The following GKAP1 variants were observed in gnomAD, a reference collection of about 807,000 sequenced individuals.
The protein encoded by GKAP1 is G kinase anchoring protein 1.
In GKAP1, 31 loss-of-function variants were observed where a neutral mutation model predicts 56.7. The ratio of observed to expected loss-of-function variants is 0.55; its 90% confidence interval spans 0.41 to 0.74. GKAP1 has a LOEUF of 0.74. GKAP1 is among the 30% of genes least tolerant of loss of function. The pLI is 0.00. For synonymous variants in GKAP1, 151 were observed against 138.6 expected, an observed-to-expected ratio of 1.09 and a Z score of -0.63; for missense variants, 364 against 402.3, an observed-to-expected ratio of 0.90 and a Z score of 0.82.
chr9:83,814,421 C>A (rs1944554237), intron 2 of GKAP1, among the ~76,000 whole-genome samples: 2 of 152,212 alleles, frequency 1.3e-5, no homozygotes, highest in Admixed American at 1.3e-4. Context: ...GCTAGCATAT[C>A]TATGAAGCGT....
intron 12 of GKAP1, among the ~76,000 whole-genome samples, chr9:83,741,454 T>C (rs1410352258): frequency 1.3e-5 from 2 of 151,784 alleles, no homozygotes; most frequent in African/African-American, 4.8e-5. Flanking sequence ...AGCTTGTAAA[T>C]GCAGAAGAAA....
chr9:83,777,423 T>C (rs1184934700), intron 7 of GKAP1, among the ~76,000 whole-genome samples: 2 of 152,072 alleles, frequency 1.3e-5, no homozygotes, highest in East Asian at 3.8e-4. Flanking sequence ...GAAAAAAGAC[T>C]AAGAATCAAA....
intron 3 of GKAP1, among the ~76,000 whole-genome samples, chr9:83,805,435 T>C (rs1205225908): frequency 6.8e-6 from 1 of 147,920 alleles, no homozygotes; most frequent in Non-Finnish European, 1.5e-5. Context: ...CAAATCCCCC[T>C]CTGCGAGAAA....
rs758119746 is a variant in GKAP1 at position 83,806,483 on chromosome 9, G to A, written c.35C>T (p.Thr12Ile). 6.2e-7 allele frequency: 1 copy of A among 1,614,096 alleles called. No homozygotes were observed. The highest frequency in any genetic ancestry group is 8.5e-7 in the Non-Finnish European group (1 of 1,179,988). Residue 12 changes from threonine (T) to isoleucine (I), a missense_variant, in exon 3 of 13, where the codon ACC becomes ATC. Physicochemically the swap from Thr to Ile is moderately conservative, Grantham distance 89. Transcript: ENST00000376371. ...ASAVLSSVPT[T>I]ASRFALLQVD... The stretch of plus-strand genomic sequence containing the variant: ...TTGTAACAGGGCAAAACGAGAAGCG[G>A]TGGTGGGAACAGAACTAAGTACTGC...
chr9:83,788,187 A>T (rs1944096200), intron 5 of GKAP1, among the ~76,000 whole-genome samples: 1 of 152,206 alleles, frequency 6.6e-6, no homozygotes. Context: ...CTGAGGCGTG[A>T]GAATCGCTTG....
chr9:83,784,434 G>A (rs147600434), intron 6 of GKAP1, among the ~76,000 whole-genome samples: 4 of 152,190 alleles, frequency 2.6e-5, no homozygotes, highest in Admixed American at 6.5e-5. Flanking sequence ...GTGATGACTC[G>A]TCAAGAAGGC....
In GKAP1 at chr9:83,806,091, T is replaced by G. The variant is rs142651056; in HGVS notation, c.216+211A>C. Among the ~76,000 whole-genome samples the G allele has an allele frequency of 3.9e-3, 588 of 151,834 alleles. 10 individuals carry two copies. The highest frequency in any genetic ancestry group is 0.013 in the African/African-American group (554 of 41,412). ...GTGATCATCCCACTGCACTCCAGCC[T>G]AGGTGACAGAGTGAGACCCTGTCTC... On this transcript the variant is annotated intron_variant, in intron 3 of 12. Coordinates refer to ENST00000376371, the MANE Select transcript of GKAP1 (RefSeq NM_025211.4).
chr9:83,788,021 TAATCCC>T (rs1188135809), intron 5 of GKAP1, among the ~76,000 whole-genome samples: 1 of 152,214 alleles, frequency 6.6e-6, no homozygotes, highest in African/African-American at 2.4e-5. Flanking sequence ...CTCACACCTG[TAATCCC>T]AGCACTTTGG....
rs76240024 is a variant in GKAP1, at chr9:83,785,314, G to A, written c.439-476C>T. Among the ~76,000 whole-genome samples, 924 of 151,878 alleles carry A rather than the reference G, an allele frequency of 6.1e-3. 11 individuals are homozygous for A. The highest frequency in any genetic ancestry group is 0.021 in the African/African-American group (875 of 41,408). ...TTCTTTCCTCAACCTTCTCAAAAGC[G>A]TAGCGGTTGTTCACATTATCCCACT... On this transcript the variant is annotated intron_variant, in intron 5 of 12. Transcript: ENST00000376371.
intron 8 of GKAP1, among the ~76,000 whole-genome samples, chr9:83,759,480 AAATT>A (rs1432980703): frequency 3.9e-5 from 6 of 152,030 alleles, no homozygotes; most frequent in Non-Finnish European, 5.9e-5. Flanking sequence ...GAATGTCATC[AAATT>A]ATTATTTGGT....
At chr9:83,812,015 A>G (rs1407029225) in intron 2 of GKAP1, among the ~76,000 whole-genome samples, 1 of 152,096 alleles carries the variant, frequency 6.6e-6, no homozygotes, top group Non-Finnish European at 1.5e-5. Flanking sequence ...ATTTTAAATG[A>G]AAGAAGGGAA....
chr9:83,765,138 C>A (rs935573047), intron 8 of GKAP1, among the ~76,000 whole-genome samples: 2 of 152,168 alleles, frequency 1.3e-5, no homozygotes, highest in African/African-American at 2.4e-5. Flanking sequence ...GACTTGGTGC[C>A]CTGTGTCCCA....
intron 6 of GKAP1, among the ~76,000 whole-genome samples, chr9:83,784,159 C>T (rs567280866): frequency 7.3e-5 from 11 of 151,436 alleles, no homozygotes; most frequent in East Asian, 2.0e-4. Flanking sequence ...CCTAGCTACT[C>T]GGGAGACTGA....
chr9:83,788,099 G>A (rs1270770885), intron 5 of GKAP1, among the ~76,000 whole-genome samples: 4 of 152,198 alleles, frequency 2.6e-5, no homozygotes, highest in South Asian at 2.1e-4. Flanking sequence ...CCAACATGGC[G>A]AAATCCCATC....
chr9:83,745,763 C>T (rs1201670148), intron 10 of GKAP1, among the ~76,000 whole-genome samples: 1 of 151,758 alleles, frequency 6.6e-6, no homozygotes, highest in African/African-American at 2.4e-5. Flanking sequence ...AGGATGTAGA[C>T]ATCTAAATGT....
chr9:83,801,455 C>T (rs748786698), intron 3 of GKAP1, among the ~76,000 whole-genome samples: 16 of 151,138 alleles, frequency 1.1e-4, no homozygotes, highest in Non-Finnish European at 2.1e-4. Flanking sequence ...AACTGAGGAT[C>T]AACAATTTTA....
chr9:83,757,907 AC>A (rs1187149200), intron 8 of GKAP1, among the ~76,000 whole-genome samples: 1 of 152,160 alleles, frequency 6.6e-6, no homozygotes, highest in Non-Finnish European at 1.5e-5. Flanking sequence ...AACTGAAATG[AC>A]AGAAGTCAAG....
At chr9:83,812,196 C>CAT (rs912331634) in intron 2 of GKAP1, among the ~76,000 whole-genome samples, 4 of 149,146 alleles carry the variant, frequency 2.7e-5, no homozygotes, top group Non-Finnish European at 5.9e-5. Context: ...TATATATACA[C>CAT]ATATATATAC....
intron 6 of GKAP1, 97 bp downstream of exon 6, chr9:83,784,618 T>C (rs967003437): frequency 2.2e-6 from 2 of 913,918 alleles, no homozygotes; most frequent in Non-Finnish European, 3.2e-6. Context: ...TGAATAACTT[T>C]TACTTATTGT....
Sources: gnomAD v4.1 joint callset for allele counts (sites outside exome capture counted in the v4.1 genomes callset) on GRCh38, gnomAD v4.1.1 for gene constraint, MANE v1.5 for transcripts, NCBI Gene and HGNC (gene_info 2026-07-23, HGNC 2026-07-21) for gene names.